The following PRIM2 variants were observed in gnomAD, a reference collection of about 807,000 sequenced individuals.
PRIM2 encodes DNA primase subunit 2.
Under a neutral mutation model 67.3 loss-of-function variants are expected in PRIM2, and 39 were observed. The ratio of observed to expected loss-of-function variants is 0.58; its 90% CI spans 0.45 to 0.76. PRIM2 has a LOEUF of 0.76. Ranked by LOEUF, PRIM2 falls within the 30% of genes least tolerant of loss-of-function variation. PRIM2 has a pLI of 0.00. For synonymous variants in PRIM2, 143 were observed against 198.7 expected, an observed-to-expected ratio of 0.72 and a Z score of 2.36; for missense variants, 398 against 598.7, an observed-to-expected ratio of 0.66 and a Z score of 3.50.
At chr6:57,507,141 G>A (rs1456377204) in intron 7 of PRIM2, among the ~76,000 whole-genome samples, 1 of 151,792 alleles carries the variant, frequency 6.6e-6, no homozygotes, top group Admixed American at 6.6e-5. Flanking sequence ...TCTCTGTTTT[G>A]CTCACCTTTT....
chr6:57,239,320 G>T, the PRIM2 span, among the ~76,000 whole-genome samples: 10 of 152,236 alleles, frequency 6.6e-5, no homozygotes, highest in African/African-American at 2.4e-4. Flanking sequence ...CATTGAATTT[G>T]TTATAGTTCC....
the PRIM2 span, among the ~76,000 whole-genome samples, chr6:57,279,900 G>T: frequency 1.3e-5 from 2 of 152,156 alleles, no homozygotes. Flanking sequence ...TCCTTAACAA[G>T]GGGAAGATTT....
intron 7 of PRIM2, among the ~76,000 whole-genome samples, chr6:57,476,518 A>T (rs1773480818): frequency 6.6e-6 from 1 of 152,198 alleles, no homozygotes; most frequent in Non-Finnish European, 1.5e-5. Context: ...TAGATATTTT[A>T]GGTACCATGC....
At chr6:57,318,720 G>A in intron 2 of PRIM2, 121 bp downstream of exon 2, 2 of 786,706 alleles carry the variant, frequency 2.5e-6, no homozygotes, top group Non-Finnish European at 4.0e-6. Context: ...ATTTATTGAG[G>A]TAATTCATAT....
chr6:57,401,008 T>C (rs75087154), intron 7 of PRIM2, among the ~76,000 whole-genome samples: 2 of 152,198 alleles, frequency 1.3e-5, no homozygotes, highest in Non-Finnish European at 2.9e-5. Flanking sequence ...TCAGCTCCTT[T>C]ATCATTTGGT....
intron 3 of PRIM2, 24 bp downstream of exon 3, chr6:57,320,584 T>A: frequency 2.1e-6 from 3 of 1,444,366 alleles, no homozygotes. Flanking sequence ...GAAAAAAAAG[T>A]TCCTTCAGTT....
chr6:57,261,678 C>G, the PRIM2 span, among the ~76,000 whole-genome samples: 1 of 152,126 alleles, frequency 6.6e-6, no homozygotes, highest in African/African-American at 2.4e-5. Flanking sequence ...TAGCTGGTTT[C>G]CAGGTGGGGG....
chr6:57,488,504 T>C (rs1773804345), intron 7 of PRIM2, among the ~76,000 whole-genome samples: 9 of 152,210 alleles, frequency 5.9e-5, no homozygotes. Flanking sequence ...GTAGATTAAG[T>C]AGTCACTTGG....
At chr6:57,240,259 C>T in the PRIM2 span, among the ~76,000 whole-genome samples, 10 of 151,974 alleles carry the variant, frequency 6.6e-5, no homozygotes, top group African/African-American at 1.7e-4. Context: ...GCGCCAACCG[C>T]GCCCAGCTAA....
At chr6:57,296,588 TTGG>T in the PRIM2 span, among the ~76,000 whole-genome samples, 1 of 151,166 alleles carries the variant, frequency 6.6e-6, no homozygotes, top group African/African-American at 2.4e-5. Context: ...GTAGCGGGGT[TTGG>T]TGGTGGTGGT....
chr6:57,318,698 C>A, intron 2 of PRIM2, 99 bp downstream of exon 2: 1 of 966,668 alleles, frequency 1.0e-6, no homozygotes, highest in Non-Finnish European at 1.5e-6. Flanking sequence ...TTCAGCAATC[C>A]ATTCAACAAG....
intron 10 of PRIM2, among the ~76,000 whole-genome samples, chr6:57,579,420 T>C (rs1776037933): frequency 6.6e-6 from 1 of 152,220 alleles, no homozygotes; most frequent in Non-Finnish European, 1.5e-5. Flanking sequence ...TATTTATTGC[T>C]AGCTTTAAAA....
chr6:57,503,492 C>T (rs1554347063), intron 7 of PRIM2, among the ~76,000 whole-genome samples: 40 of 152,036 alleles, frequency 2.6e-4, no homozygotes, highest in African/African-American at 8.7e-4. Flanking sequence ...CTCACGTGTA[C>T]GATCCCAGCA....
chr6:57,476,791 A>T (rs1773487650), intron 7 of PRIM2, among the ~76,000 whole-genome samples: 1 of 152,180 alleles, frequency 6.6e-6, no homozygotes, highest in Admixed American at 6.5e-5. Flanking sequence ...CTTGTTGCCC[A>T]GGCTGGAGTG....
intron 10 of PRIM2, among the ~76,000 whole-genome samples, chr6:57,600,084 G>A (rs1454157016): frequency 6.6e-6 from 1 of 152,108 alleles, no homozygotes; most frequent in African/African-American, 2.4e-5. Flanking sequence ...GCATCATAGA[G>A]GAGTTGTGAT....
intron 7 of PRIM2, among the ~76,000 whole-genome samples, chr6:57,445,197 A>C (rs1772326289): frequency 6.6e-6 from 1 of 152,196 alleles, no homozygotes; most frequent in African/African-American, 2.4e-5. Flanking sequence ...ATTCTCGTAT[A>C]ATCATGGATT....
intron 7 of PRIM2, among the ~76,000 whole-genome samples, chr6:57,410,756 C>T (rs1244556002): frequency 3.3e-5 from 5 of 152,028 alleles, no homozygotes; most frequent in Admixed American, 3.3e-4. Context: ...TGGCTAGGAC[C>T]TCTGCTACGA....
chr6:57,382,242 G>A (rs1769989595), intron 7 of PRIM2, 74 bp downstream of exon 7: 5 of 1,476,564 alleles, frequency 3.4e-6, no homozygotes, highest in Non-Finnish European at 4.6e-6. Flanking sequence ...GTTTTATTCT[G>A]TGTTTCTCTA....
At chr6:57,243,867 T>G in the PRIM2 span, among the ~76,000 whole-genome samples, 1 of 152,220 alleles carries the variant, frequency 6.6e-6, no homozygotes, top group Non-Finnish European at 1.5e-5. Flanking sequence ...AAGTAGCTTC[T>G]GACTTCTATG....
Sources: allele counts gnomAD v4.1 joint callset (sites outside exome capture counted in the v4.1 genomes callset), GRCh38; gene constraint gnomAD v4.1.1; transcripts MANE v1.5; gene names NCBI Gene and HGNC (gene_info 2026-07-23, HGNC 2026-07-21).